The following GAL3ST1 variants were observed in gnomAD, a reference collection of about 807,000 sequenced individuals.
GAL3ST1 encodes the protein galactosylceramide sulfotransferase.
GAL3ST1 carries 13 observed loss-of-function variants against 25.0 expected under a neutral mutation model. The observed-to-expected ratio is 0.52, with a 90% CI of 0.34 to 0.83. GAL3ST1 has a LOEUF of 0.83. Among genes scored for constraint, GAL3ST1 ranks in the 40% least tolerant of loss-of-function variants. GAL3ST1 has a pLI of 0.02. For synonymous variants in GAL3ST1, 274 were observed against 277.8 expected, an observed-to-expected ratio of 0.99 and a Z score of 0.14; for missense variants, 474 against 613.6, an observed-to-expected ratio of 0.77 and a Z score of 2.40.
rs1363025082 is a variant in GAL3ST1, at chr22:30,555,977, G to A, written c.248C>T (p.Thr83Met). The A allele has an allele frequency of 6.2e-7, 1 of 1,613,774 alleles. No individual in the cohort carries two copies. Among genetic ancestry groups the A allele is most frequent in the Non-Finnish European group, 8.5e-7 (1 of 1,179,982 alleles). The part of the protein sequence containing the change: ...QPRRNIVFLK[T>M]HKTASSTLLN... ...CAGGGTGCTGCTGGCCGTCTTGTGC[G>A]TCTTCAAGAACACGATGTTGCGCCG... The change falls in exon 4 of 4, where the codon ACG becomes ATG. Residue 83 changes from threonine (T) to methionine (M), a missense_variant. Physicochemically the swap from Thr to Met is moderately conservative, Grantham distance 81. This residue lies in a region of GAL3ST1 where 359 missense variants were observed against 504.4 expected (regional missense o/e 0.71). Coordinates refer to ENST00000406361, the MANE Select transcript of GAL3ST1 (RefSeq NM_001318104.2). This position sits in a 1 kb window ranked among gnomAD's most constrained non-coding sequence, Gnocchi z 8.6.
intron 1 of GAL3ST1, among the ~76,000 whole-genome samples, chr22:30,558,961 A>G (rs1335867161): frequency 6.6e-6 from 1 of 152,042 alleles, no homozygotes; most frequent in Non-Finnish European, 1.5e-5. Context: ...AGTTTGAGAC[A>G]AGCCTGACCA....
intron 1 of GAL3ST1, among the ~76,000 whole-genome samples, chr22:30,559,492 G>A (rs1309148082): frequency 6.6e-6 from 1 of 152,074 alleles, no homozygotes; most frequent in East Asian, 1.9e-4. Flanking sequence ...GCCCACCTTG[G>A]CCTCCCAAAG....
At chr22:30,567,722 C>T (rs537790266) in intron 1 of GAL3ST1, among the ~76,000 whole-genome samples, 6 of 152,206 alleles carry the variant, frequency 3.9e-5, no homozygotes, top group South Asian at 4.1e-4. Context: ...GCACTCTTGT[C>T]ACCCATGCTG....
chr22:30,566,884 C>T (rs1209734865), intron 1 of GAL3ST1, among the ~76,000 whole-genome samples: 1 of 152,184 alleles, frequency 6.6e-6, no homozygotes, highest in African/African-American at 2.4e-5. Context: ...GCTGGGATTA[C>T]AGGCGTGAGC....
intron 1 of GAL3ST1, among the ~76,000 whole-genome samples, chr22:30,558,877 G>C (rs377703281): frequency 1.6e-4 from 24 of 152,098 alleles, no homozygotes; most frequent in African/African-American, 5.8e-4. Context: ...TTATTCCAAG[G>C]CTGGGCACGG....
chr22:30,559,407 A>G (rs929337158), intron 1 of GAL3ST1, among the ~76,000 whole-genome samples: 5 of 151,660 alleles, frequency 3.3e-5, no homozygotes, highest in Middle Eastern at 3.4e-3. Context: ...CACCCAGCTA[A>G]TTTTTGTATT....
intron 1 of GAL3ST1, among the ~76,000 whole-genome samples, chr22:30,573,188 CG>C (rs1569015393): frequency 6.6e-6 from 1 of 152,016 alleles, no homozygotes; most frequent in Admixed American, 6.6e-5. Context: ...GCCAGGGAGG[CG>C]AGGGGGGGTG....
In GAL3ST1 at chr22:30,555,320, A is replaced by G; in HGVS notation, c.905T>C (p.Met302Thr). 1 of 1,606,668 alleles carries G rather than the reference A, an allele frequency of 6.2e-7. No homozygotes were observed. The highest frequency in any genetic ancestry group is 8.5e-7 in the Non-Finnish European group (1 of 1,178,390). ...ELYGRATAWN[M>T]LDSHLYRHFN... ...GTGGCGGTAGAGGTGGGAGTCCAGC[A>G]TGTTCCAGGCGGTGGCGCGCCCATA... Residue 302 changes from methionine (M) to threonine (T), a missense_variant, in exon 4 of 4, where the codon ATG becomes ACG. Physicochemically the swap from Met to Thr is moderately conservative, Grantham distance 81. Coordinates refer to ENST00000406361, the MANE Select transcript of GAL3ST1 (RefSeq NM_001318104.2). This position sits in a 1 kb window ranked among gnomAD's most constrained non-coding sequence, Gnocchi z 8.6.
rs11912600 is a variant in GAL3ST1 at position 30,554,874 on chromosome 22, G to T, written c.*79C>A. 1.0e-5 allele frequency: 12 copies of T among 1,185,988 alleles called. No individual in the cohort carries two copies. The highest frequency in any genetic ancestry group is 1.4e-5 in the Non-Finnish European group (12 of 867,272). The allele number at this position is 1,185,988 out of a possible 1,614,324, so 73.5% of individuals were successfully genotyped here. ...GAGGTGGCACCAGGAGGGGGCTGGG[G>T]GCGGCCAGCACCAGCGGCGTCCTGC... is the stretch of plus-strand genomic sequence containing the variant. On this transcript the variant is annotated 3_prime_UTR_variant, in exon 4 of 4. Coordinates refer to ENST00000406361, the MANE Select transcript of GAL3ST1 (RefSeq NM_001318104.2).
chr22:30,557,416 C>T lies in GAL3ST1; in HGVS notation c.-9-15G>A. On this transcript the variant is annotated splice_polypyrimidine_tract_variant and intron_variant, in intron 2 of 3. Coordinates refer to ENST00000406361, the MANE Select transcript of GAL3ST1 (RefSeq NM_001318104.2). ...ATCTCAGACACCTGCAGGGGCAGCA[C>T]AGAGTAGGGCAAGTGTCAGGAAGCT... 1.2e-6 allele frequency: 2 copies of T among 1,613,654 alleles called. No homozygotes were observed. The highest frequency in any genetic ancestry group is 1.7e-6 in the Non-Finnish European group (2 of 1,179,840).
intron 1 of GAL3ST1, among the ~76,000 whole-genome samples, chr22:30,559,847 C>T (rs2086280075): frequency 6.6e-6 from 1 of 152,236 alleles, no homozygotes; most frequent in African/African-American, 2.4e-5. Flanking sequence ...ACCAGGTCCC[C>T]AAACTTTCTA....
intron 1 of GAL3ST1, among the ~76,000 whole-genome samples, chr22:30,568,991 G>A (rs573618704): frequency 7.3e-5 from 11 of 150,444 alleles, no homozygotes; most frequent in East Asian, 3.9e-4. Context: ...CAGGATAATC[G>A]CTTGAACCTG....
At position 30,554,984 on chromosome 22, in the gene GAL3ST1, C is replaced by T; in HGVS notation, c.1241G>A (p.Trp414Ter). The change falls in exon 4 of 4, where the codon TGG becomes TAG. Residue 414 changes from tryptophan to a stop codon, truncating the protein, a stop_gained. Transcript: ENST00000406361. LOFTEE classifies it high-confidence loss of function. ...LGANLWVTKLWKFIRDFLRW is the reference protein window; with the variant it reads ...LGANLWVTKL Reference sequence around the variant, plus strand: ...CCGCAGGAAATCGCGAATGAACTTCCAGAGCTTGGTGACCCACAGGTTGGC... The same window carrying T: ...CCGCAGGAAATCGCGAATGAACTTCTAGAGCTTGGTGACCCACAGGTTGGC... 1 of 1,587,876 alleles carries T rather than the reference C, an allele frequency of 6.3e-7. No individual in the cohort carries two copies. The highest frequency in any genetic ancestry group is 8.6e-7 in the Non-Finnish European group (1 of 1,162,384).
chr22:30,559,225 A>G (rs2086227116), intron 1 of GAL3ST1, among the ~76,000 whole-genome samples: 1 of 151,592 alleles, frequency 6.6e-6, no homozygotes, highest in South Asian at 2.1e-4. Flanking sequence ...TTATTTCCTT[A>G]TTTTTTCATT....
At chr22:30,571,585 C>T (rs926968413) in intron 1 of GAL3ST1, among the ~76,000 whole-genome samples, 11 of 151,912 alleles carry the variant, frequency 7.2e-5, no homozygotes, top group African/African-American at 2.4e-4. Flanking sequence ...CATCCACGGC[C>T]GGGCGCAGTG....
chr22:30,569,030 C>T (rs189735301), intron 1 of GAL3ST1, among the ~76,000 whole-genome samples: 7 of 145,914 alleles, frequency 4.8e-5, no homozygotes, highest in African/African-American at 1.8e-4. Flanking sequence ...GAGCAGAGAT[C>T]GCGCCACTGC....
intron 1 of GAL3ST1, chr22:30,560,381 AG>A (rs2086330865): frequency 6.6e-6 from 1 of 152,190 alleles, no homozygotes; most frequent in African/African-American, 2.4e-5. Flanking sequence ...AAAATGAGAA[AG>A]CTGGAGGCGC....
At chr22:30,560,677 G>C (rs2086355488) in intron 1 of GAL3ST1, 1 of 152,114 alleles carries the variant, frequency 6.6e-6, no homozygotes, top group Non-Finnish European at 1.5e-5. Context: ...GAGGGATTAG[G>C]ATTCCTGTGG....
chr22:30,563,834 T>G (rs1162941917), intron 1 of GAL3ST1, among the ~76,000 whole-genome samples: 2 of 150,404 alleles, frequency 1.3e-5, no homozygotes, highest in Non-Finnish European at 2.9e-5. Flanking sequence ...GAGAACGGCG[T>G]GAACCCAGGA....
Sources: gnomAD v4.1 joint callset for allele counts (sites outside exome capture counted in the v4.1 genomes callset) on GRCh38, gnomAD v4.1.1 for gene constraint, gnomAD v4.1.1 regional missense constraint, Gnocchi (gnomAD v3.1) non-coding constraint, MANE v1.5 for transcripts, NCBI Gene and HGNC (gene_info 2026-07-23, HGNC 2026-07-21) for gene names.